NMD3: variants seen among roughly 807,000 people sequenced by gnomAD.
The protein encoded by NMD3 is 60S ribosomal export protein NMD3.
Under a neutral mutation model 73.1 loss-of-function variants are expected in NMD3, and 47 were observed. The observed-to-expected ratio is 0.64, with a 90% CI of 0.51 to 0.82. The LOEUF (loss-of-function observed/expected upper bound fraction) is 0.82. Ranked by LOEUF, NMD3 falls within the 40% of genes least tolerant of loss-of-function variation. NMD3 has a pLI of 0.00. For missense variants in NMD3, 554 were observed against 612.5 expected (o/e 0.90, Z 1.01); for synonymous variants, 210 against 194.5 (o/e 1.08, Z -0.66).
rs1736857510 is a variant in NMD3 at position 161,238,603 on chromosome 3, G to A, written c.657-127G>A. 4 of 627,416 alleles carry A rather than the reference G, an allele frequency of 6.4e-6. No individual in the cohort carries two copies. The South Asian group carries it at 7.8e-5, about 12-fold the overall frequency. 38.9% of individuals were successfully genotyped at this position (627,416 alleles called of 1,614,324 possible). A position where few individuals can be genotyped will look rare whatever the true frequency, so the allele number is the denominator to read the frequency against. ...GTGCAGGACAGTAGGTTTTACCAGA[G>A]GAGGCATCATGAAGCCATTTTAGAC... is the stretch of plus-strand genomic sequence containing the variant. On this transcript the variant is annotated intron_variant, in intron 8 of 15. Transcript: ENST00000351193.
intron 7 of NMD3, among the ~76,000 whole-genome samples, chr3:161,237,313 A>G (rs1319838005): frequency 6.6e-6 from 1 of 152,040 alleles, no homozygotes; most frequent in East Asian, 1.9e-4. Flanking sequence ...AGTTAACTCG[A>G]CCTTGATAGT....
chr3:161,233,536 C>T, intron 5 of NMD3, 57 bp downstream of exon 5: 2 of 1,036,440 alleles, frequency 1.9e-6, no homozygotes, highest in South Asian at 1.5e-5. Context: ...AAAATGAAGA[C>T]CCAGTGATAA....
rs373667774 is a variant in NMD3, at chr3:161,224,877, T to A, written c.45-53T>A. ...TGTTTGTTTGGCATCTAAAAAAAAA[T>A]TTAGTGTATTTTAAAAATCTAATGT... On this transcript the variant is annotated intron_variant, in intron 2 of 15. Transcript: ENST00000351193. The A allele has an allele frequency of 2.8e-5, 42 of 1,507,554 alleles. No individual in the cohort carries two copies. The African/African-American group carries it at 4.6e-4, about 16-fold the overall frequency. 93.4% of individuals were successfully genotyped at this position (1,507,554 alleles called of 1,614,324 possible).
intron 3 of NMD3, among the ~76,000 whole-genome samples, chr3:161,226,953 G>A (rs886076910): frequency 1.3e-5 from 2 of 152,060 alleles, no homozygotes; most frequent in South Asian, 2.1e-4. Context: ...TCAGAGCATA[G>A]CTTTAAGAGA....
intron 10 of NMD3, among the ~76,000 whole-genome samples, 157 bp from the exon 11 acceptor site, chr3:161,242,351 T>C (rs1438754877): frequency 1.3e-5 from 2 of 152,332 alleles, no homozygotes; most frequent in East Asian, 3.9e-4. Flanking sequence ...GGGATTGGTT[T>C]ATAGGAGTAA....
chr3:161,252,281 T>C lies in NMD3; in HGVS notation c.*1371T>C, dbSNP rs1293155646. 6.6e-6 allele frequency: 1 copy of C among 152,236 alleles called. No homozygotes were observed. The allele number at this position is 152,236 out of a possible 1,614,324, so 9.4% of individuals were successfully genotyped here. On this transcript the variant is annotated 3_prime_UTR_variant, in exon 16 of 16. Coordinates refer to ENST00000351193, the MANE Select transcript of NMD3 (RefSeq NM_015938.5). ...ATTTTAAAGCATGAAAATAAAGCCA[T>C]TCTTGCCCTTTTTCGTGTGTTTGAA...
chr3:161,245,755 ATATATTATATATAGCAGATGTAC>A (rs1231136192), intron 11 of NMD3, among the ~76,000 whole-genome samples: 47 of 152,016 alleles, frequency 3.1e-4, no homozygotes, highest in Admixed American at 6.6e-4. Flanking sequence ...TCTGCTATAT[ATATATTATATATAGCAGATGTAC>A]TATATTATAT....
At position 161,222,027 on chromosome 3, in the gene NMD3, C is replaced by G. The variant is rs772105459; in HGVS notation, c.14C>G (p.Ala5Gly). MEYM[A>G]ESTDRSPGHI... ...GCATACAGAACGATGGAGTATATGG[C>G]AGAATCCACCGACCGCAGCCCTGGA... The change falls in exon 2 of 16, where the codon GCA becomes GGA. Residue 5 changes from alanine to glycine, a missense_variant. Ala to Gly is a moderately conservative substitution (Grantham distance 60). Transcript: ENST00000351193. The G allele has an allele frequency of 4.6e-6, 7 of 1,528,452 alleles. No homozygotes were observed. In the East Asian group the frequency reaches 1.7e-4, roughly 36 times the overall value. The allele number at this position is 1,528,452 out of a possible 1,614,324, so 94.7% of individuals were successfully genotyped here. A position where few individuals can be genotyped will look rare whatever the true frequency, so the allele number is the denominator to read the frequency against.
chr3:161,222,645 A>G (rs559004411), intron 2 of NMD3, among the ~76,000 whole-genome samples: 1 of 151,662 alleles, frequency 6.6e-6, no homozygotes, highest in Admixed American at 6.6e-5. Flanking sequence ...CAAAGAGATT[A>G]CTACAGAGAC....
At chr3:161,237,391 C>A (rs1387418587) in intron 7 of NMD3, among the ~76,000 whole-genome samples, 1 of 151,882 alleles carries the variant, frequency 6.6e-6, no homozygotes, top group Non-Finnish European at 1.5e-5. Context: ...TTGAGAGAGT[C>A]CTATTCTAGT....
chr3:161,249,833 A>G, intron 14 of NMD3: 2 of 466,170 alleles, frequency 4.3e-6, no homozygotes, highest in Non-Finnish European at 7.6e-6. Context: ...ACTTTGCTTA[A>G]CAATGGGCAT....
intron 1 of NMD3, chr3:161,221,717 G>A (rs1013541268): frequency 1.5e-5 from 4 of 263,084 alleles, no homozygotes; most frequent in African/African-American, 4.5e-5. Flanking sequence ...TCCAGGGTTG[G>A]AGCCCAGGTG....
chr3:161,238,094 C>CTTTTTTTTTTTTTTTTTT lies in NMD3; in HGVS notation c.578-4_578-3insTTTTTTTTTTTTTTTTTT. ...ATTTTGCATAATTATTTTCATAGGG[C>CTTTTTTTTTTTTTTTTTT]TTTTTTTTTTTTTTTAAGATGGTCT... On this transcript the variant is annotated intron_variant, in intron 7 of 15. Transcript: ENST00000351193. 7.2e-7 allele frequency: 1 copy of CTTTTTTTTTTTTTTTTTT among 1,398,290 alleles called. No homozygotes were observed. The highest frequency in any genetic ancestry group is 2.0e-4 in the Middle Eastern group (1 of 5,108). The allele number at this position is 1,398,290 out of a possible 1,614,324, so 86.6% of individuals were successfully genotyped here. A position where few individuals can be genotyped will look rare whatever the true frequency, so the allele number is the denominator to read the frequency against.
intron 4 of NMD3, among the ~76,000 whole-genome samples, chr3:161,229,135 A>C (rs1736440090): frequency 1.3e-5 from 2 of 152,322 alleles, no homozygotes; most frequent in South Asian, 4.1e-4. Flanking sequence ...AGTCCAGAAA[A>C]GTCATGGAAG....
chr3:161,238,103 T>G lies in NMD3; in HGVS notation c.578-10T>G. On this transcript the variant is annotated splice_polypyrimidine_tract_variant and intron_variant, in intron 7 of 15. Coordinates refer to ENST00000351193, the MANE Select transcript of NMD3 (RefSeq NM_015938.5). Reference sequence around the variant, plus strand: ...AATTATTTTCATAGGGCTTTTTTTTTTTTTTTAAGATGGTCTGGATTTTTA... The same window carrying G: ...AATTATTTTCATAGGGCTTTTTTTTGTTTTTTAAGATGGTCTGGATTTTTA... 1.9e-6 allele frequency: 3 copies of G among 1,566,434 alleles called. No homozygotes were observed. The highest frequency in any genetic ancestry group is 2.6e-6 in the Non-Finnish European group (3 of 1,157,594).
At chr3:161,243,044 A>G (rs1393079676) in intron 11 of NMD3, among the ~76,000 whole-genome samples, 1 of 152,150 alleles carries the variant, frequency 6.6e-6, no homozygotes, top group Non-Finnish European at 1.5e-5. Flanking sequence ...ATATTTTTCT[A>G]CATAATGAAA....
chr3:161,225,163 T>G (rs74571337), intron 3 of NMD3, 99 bp downstream of exon 3: 2 of 1,263,816 alleles, frequency 1.6e-6, no homozygotes, highest in Non-Finnish European at 2.2e-6. Flanking sequence ...TGGAGTAAAG[T>G]GCATGCAATT....
chr3:161,239,638 T>G (rs569054614), intron 9 of NMD3, among the ~76,000 whole-genome samples: 1 of 152,212 alleles, frequency 6.6e-6, no homozygotes. Context: ...CAAAGTTACA[T>G]GATCACAAAA....
intron 4 of NMD3, among the ~76,000 whole-genome samples, chr3:161,227,907 T>G: frequency 6.6e-6 from 1 of 152,196 alleles, no homozygotes; most frequent in East Asian, 1.9e-4. Flanking sequence ...GAATCTCATG[T>G]ATAATTTTTT....
Sources: allele counts gnomAD v4.1 joint callset (sites outside exome capture counted in the v4.1 genomes callset), GRCh38; gene constraint gnomAD v4.1.1; transcripts MANE v1.5; gene names NCBI Gene and HGNC (gene_info 2026-07-23, HGNC 2026-07-21).